DGKB: variants seen among roughly 807,000 people sequenced by gnomAD.
DGKB encodes diacylglycerol kinase beta.
In DGKB, 67 loss-of-function variants were observed where a neutral mutation model predicts 114.3. The observed-to-expected ratio is 0.59, with a 90% CI of 0.48 to 0.72. DGKB has a LOEUF of 0.72. Ranked by LOEUF, DGKB falls within the 30% of genes least tolerant of loss-of-function variation. The pLI is 0.00. For missense variants in DGKB, 907 were observed against 975.2 expected, an observed-to-expected ratio of 0.93 and a Z score of 0.93; for synonymous variants, 398 against 323.1, an observed-to-expected ratio of 1.23 and a Z score of -2.49.
intron 15 of DGKB, among the ~76,000 whole-genome samples, chr7:14,618,252 G>C (rs1806936365): frequency 6.6e-6 from 1 of 151,188 alleles, no homozygotes; most frequent in African/African-American, 2.4e-5. Flanking sequence ...TTACAGTCTT[G>C]GTGATTACAA....
chr7:14,900,795 A>T (rs748437226), intron 1 of DGKB, among the ~76,000 whole-genome samples: 16 of 152,192 alleles, frequency 1.1e-4, no homozygotes, highest in Non-Finnish European at 1.6e-4. Flanking sequence ...CTCCAACTAC[A>T]TAAGTTTCTA....
chr7:14,723,400 T>TTTGC (rs1414251640), intron 5 of DGKB, among the ~76,000 whole-genome samples: 1 of 151,638 alleles, frequency 6.6e-6, no homozygotes, highest in Non-Finnish European at 1.5e-5. Context: ...AACAAAAGGG[T>TTTGC]TTGTTTGTTT....
intron 1 of DGKB, among the ~76,000 whole-genome samples, chr7:14,853,256 C>T (rs2128164004): frequency 6.6e-6 from 1 of 152,238 alleles, no homozygotes; most frequent in Non-Finnish European, 1.5e-5. Flanking sequence ...TCAATTTACA[C>T]AGCATAGATG....
chr7:14,672,210 C>G (rs1432359187), intron 13 of DGKB, among the ~76,000 whole-genome samples: 1 of 151,966 alleles, frequency 6.6e-6, no homozygotes, highest in African/African-American at 2.4e-5. Context: ...AAGTTCCAGC[C>G]ATTTAATTTC....
At chr7:14,590,482 A>C (rs1266147645) in intron 17 of DGKB, among the ~76,000 whole-genome samples, 1 of 152,104 alleles carries the variant, frequency 6.6e-6, no homozygotes, top group East Asian at 1.9e-4. Flanking sequence ...TTTTCTTTAA[A>C]AATTGTCATC....
intron 4 of DGKB, among the ~76,000 whole-genome samples, chr7:14,748,776 C>G (rs535698667): frequency 8.5e-5 from 13 of 152,232 alleles, no homozygotes; most frequent in African/African-American, 2.6e-4. Flanking sequence ...AAAAGATAGC[C>G]TATCATCAGT....
At chr7:14,310,258 T>C (rs1422536828) in intron 23 of DGKB, among the ~76,000 whole-genome samples, 3 of 152,082 alleles carry the variant, frequency 2.0e-5, no homozygotes, top group Non-Finnish European at 4.4e-5. Flanking sequence ...AGAAGCTCAG[T>C]GGTAACTGTC....
At chr7:14,374,564 G>C (rs950716716) in intron 21 of DGKB, among the ~76,000 whole-genome samples, 1 of 152,132 alleles carries the variant, frequency 6.6e-6, no homozygotes, top group Non-Finnish European at 1.5e-5. Flanking sequence ...AAAGCCTTCA[G>C]AGACTTCATT....
chr7:14,583,206 T>C, intron 17 of DGKB, 69 bp from the exon 18 acceptor site: 1 of 914,146 alleles, frequency 1.1e-6, no homozygotes. Flanking sequence ...TTTTGTATCA[T>C]TAACATTTTA....
chr7:14,478,477 T>C (rs1439685721), intron 20 of DGKB, among the ~76,000 whole-genome samples: 1 of 152,186 alleles, frequency 6.6e-6, no homozygotes, highest in East Asian at 1.9e-4. Context: ...TAAGACTTTA[T>C]TGCTATTTAA....
chr7:14,484,045 T>TTA (rs1472697787), intron 20 of DGKB, among the ~76,000 whole-genome samples: 1 of 151,976 alleles, frequency 6.6e-6, no homozygotes. Flanking sequence ...TTTTTTTTTT[T>TTA]TGAGAAAAAC....
chr7:14,702,032 G>A (rs1279168936), intron 6 of DGKB, among the ~76,000 whole-genome samples: 1 of 152,100 alleles, frequency 6.6e-6, no homozygotes, highest in Non-Finnish European at 1.5e-5. Flanking sequence ...AAAACTAAAA[G>A]AGAAGAAGTT....
intron 21 of DGKB, among the ~76,000 whole-genome samples, chr7:14,384,130 C>T (rs549313149): frequency 2.6e-4 from 39 of 152,184 alleles, no homozygotes; most frequent in Non-Finnish European, 4.7e-4. Flanking sequence ...GAGAAACAGT[C>T]CAAGCTAATT....
intron 25 of DGKB, among the ~76,000 whole-genome samples, chr7:14,151,915 G>C (rs562707979): frequency 2.0e-5 from 3 of 152,100 alleles, no homozygotes; most frequent in Non-Finnish European, 4.4e-5. Context: ...AATCCTACGA[G>C]AGTAATTCCA....
At chr7:14,959,005 T>C (rs1254505697) in intron 1 of DGKB, among the ~76,000 whole-genome samples, 1 of 152,126 alleles carries the variant, frequency 6.6e-6, no homozygotes, top group Non-Finnish European at 1.5e-5. Context: ...CTCTGTCATT[T>C]GGTTGAAGAA....
At chr7:14,936,446 G>C (rs1413581726) in intron 1 of DGKB, among the ~76,000 whole-genome samples, 1 of 152,136 alleles carries the variant, frequency 6.6e-6, no homozygotes, top group Non-Finnish European at 1.5e-5. Context: ...ACCTTCTGAA[G>C]GGTACAGTAG....
At chr7:14,157,390 T>TA (rs397750485) in intron 25 of DGKB, among the ~76,000 whole-genome samples, 3 of 151,062 alleles carry the variant, frequency 2.0e-5, no homozygotes, top group African/African-American at 4.9e-5. Context: ...TTTTTTTTTT[T>TA]ATGATTCTAG....
chr7:14,473,888 A>C lies in DGKB; in HGVS notation c.1835+4273T>G, dbSNP rs1781786547. ...CCATTTGGAATGGCTGTATTTACTC[A>C]ATGTCTGTACTCCCATTGTATCTAG... On this transcript the variant is annotated intron_variant, in intron 21 of 25. Transcript: ENST00000402815. Among the ~76,000 whole-genome samples, 5 of 152,120 alleles carry C rather than the reference A, an allele frequency of 3.3e-5. No homozygotes were observed. The South Asian group carries it at 1.0e-3, about 32-fold the overall frequency.
At chr7:14,855,400 A>G (rs1375215325) in intron 1 of DGKB, among the ~76,000 whole-genome samples, 1 of 152,186 alleles carries the variant, frequency 6.6e-6, no homozygotes, top group Non-Finnish European at 1.5e-5. Flanking sequence ...TATGTGCTAC[A>G]TATAACATAG....
Sources: gnomAD v4.1 joint callset for allele counts (sites outside exome capture counted in the v4.1 genomes callset) on GRCh38, gnomAD v4.1.1 for gene constraint, MANE v1.5 for transcripts, NCBI Gene and HGNC (gene_info 2026-07-23, HGNC 2026-07-21) for gene names.